The following CPNE4 variants were observed in gnomAD, a reference collection of about 807,000 sequenced individuals.
The protein encoded by CPNE4 is copine 4.
Under a neutral mutation model 67.9 loss-of-function variants are expected in CPNE4, and 25 were observed. The ratio of observed to expected loss-of-function variants is 0.37; its 90% confidence interval spans 0.27 to 0.51. CPNE4 has a LOEUF of 0.51. Among genes scored for constraint, CPNE4 ranks in the 20% least tolerant of loss-of-function variants. CPNE4 has a pLI of 0.93. For synonymous variants in CPNE4, 242 were observed against 244.9 expected (o/e 0.99, Z 0.11); for missense variants, 464 against 690.8 (o/e 0.67, Z 3.68).
chr3:131,550,349 G>A (rs1333485493), intron 13 of CPNE4, among the ~76,000 whole-genome samples: 4 of 151,886 alleles, frequency 2.6e-5, no homozygotes, highest in Non-Finnish European at 4.4e-5. Context: ...GATTTCATTC[G>A]CTCCTCATAG....
intron 2 of CPNE4, among the ~76,000 whole-genome samples, chr3:131,879,332 C>CT (rs1254720807): frequency 6.6e-6 from 1 of 152,168 alleles, no homozygotes; most frequent in African/African-American, 2.4e-5. Flanking sequence ...CCATTAATGA[C>CT]TTTTTCCCTA....
intron 15 of CPNE4, chr3:131,539,011 T>G (rs554178024): frequency 6.6e-6 from 1 of 152,318 alleles, no homozygotes; most frequent in South Asian, 2.1e-4. Context: ...CCCTGTAAGC[T>G]CTAAAGCTCT....
At chr3:131,986,775 G>A (rs2073053732) in intron 1 of CPNE4, among the ~76,000 whole-genome samples, 1 of 145,588 alleles carries the variant, frequency 6.9e-6, no homozygotes, top group Non-Finnish European at 1.5e-5. Flanking sequence ...AGGTTGCAGT[G>A]AGCCAAGATT....
chr3:131,598,051 T>C (rs16837175), intron 7 of CPNE4, among the ~76,000 whole-genome samples: 20,529 of 152,126 alleles, frequency 0.13, 1,905 homozygotes, highest in African/African-American at 0.26. Flanking sequence ...AGGAGGCAAT[T>C]GAACTGAATA....
At chr3:131,541,150 A>C (rs1935459333) in intron 15 of CPNE4, among the ~76,000 whole-genome samples, 1 of 152,102 alleles carries the variant, frequency 6.6e-6, no homozygotes, top group Admixed American at 6.5e-5. Context: ...AAAAACACAA[A>C]GGCTATCCAG....
intron 1 of CPNE4, among the ~76,000 whole-genome samples, chr3:131,964,723 G>A (rs187789327): frequency 4.5e-4 from 68 of 152,118 alleles, no homozygotes; most frequent in African/African-American, 1.6e-3. Flanking sequence ...ATGGGACTAT[G>A]TGAAAAAACC....
chr3:131,983,367 C>T (rs1583558300), intron 1 of CPNE4, among the ~76,000 whole-genome samples: 1 of 152,216 alleles, frequency 6.6e-6, no homozygotes, highest in East Asian at 1.9e-4. Flanking sequence ...TGCTAGAATG[C>T]CACATGCATC....
At chr3:132,023,733 C>T (rs1254052327) in intron 1 of CPNE4, among the ~76,000 whole-genome samples, 7 of 152,106 alleles carry the variant, frequency 4.6e-5, no homozygotes, top group African/African-American at 1.7e-4. Flanking sequence ...GTGATCCGCC[C>T]TCCTCGGCCT....
At chr3:131,661,798 C>T (rs558184311) in intron 7 of CPNE4, among the ~76,000 whole-genome samples, 21 of 152,092 alleles carry the variant, frequency 1.4e-4, no homozygotes, top group South Asian at 2.1e-4. Context: ...ATAGAGAGGA[C>T]GGTGAAATTG....
intron 3 of CPNE4, among the ~76,000 whole-genome samples, chr3:131,708,959 T>TATATAG (rs2081486265): frequency 1.8e-5 from 1 of 55,708 alleles, no homozygotes; most frequent in South Asian, 7.3e-4. Flanking sequence ...GGCATAAAGA[T>TATATAG]ATATATATAT....
chr3:132,009,083 C>T (rs2073681807), intron 1 of CPNE4, among the ~76,000 whole-genome samples: 1 of 152,204 alleles, frequency 6.6e-6, no homozygotes, highest in African/African-American at 2.4e-5. Context: ...TGCCCACATC[C>T]TCTTACCTAA....
intron 2 of CPNE4, among the ~76,000 whole-genome samples, chr3:131,871,941 C>T (rs989753673): frequency 2.0e-5 from 3 of 152,172 alleles, no homozygotes. Flanking sequence ...TGGTAGATTA[C>T]ATTTTCCAAA....
chr3:131,973,710 A>G (rs1390462992), intron 1 of CPNE4, among the ~76,000 whole-genome samples: 1 of 152,230 alleles, frequency 6.6e-6, no homozygotes, highest in African/African-American at 2.4e-5. Context: ...ATCCATTCCA[A>G]AGAAATCTGG....
rs747493180 is a variant in CPNE4, at chr3:131,796,871, CAT to C, written c.181-73248_181-73247del. Among the ~76,000 whole-genome samples the C allele has an allele frequency of 6.6e-5, 10 of 152,352 alleles. No individual in the cohort carries two copies. The East Asian group carries it at 1.9e-3, about 29-fold the overall frequency. ...TGCTTTGTGGTTAGAATAATACACACATAGTCTTTTCATCTAATGACGTTGGC... is the reference window on the plus strand; with the variant it reads ...TGCTTTGTGGTTAGAATAATACACACAGTCTTTTCATCTAATGACGTTGGC... On this transcript the variant is annotated intron_variant, in intron 2 of 15. Transcript: ENST00000429747.
intron 2 of CPNE4, among the ~76,000 whole-genome samples, chr3:131,880,851 G>T (rs1583395078): frequency 6.6e-6 from 1 of 152,210 alleles, no homozygotes; most frequent in African/African-American, 2.4e-5. Flanking sequence ...CACAAGATGC[G>T]TTATAATAGA....
intron 2 of CPNE4, among the ~76,000 whole-genome samples, chr3:131,783,958 C>T (rs1033429212): frequency 1.3e-5 from 2 of 152,182 alleles, no homozygotes; most frequent in African/African-American, 2.4e-5. Flanking sequence ...AGCTGAAGTA[C>T]GGTGAGAAGT....
intron 7 of CPNE4, among the ~76,000 whole-genome samples, chr3:131,661,721 C>T (rs147148793): frequency 4.8e-4 from 73 of 152,242 alleles, no homozygotes; most frequent in African/African-American, 1.7e-3. Context: ...GACCAGATCT[C>T]CAGAAAACTC....
chr3:131,646,779 TGAA>T (rs1433636878), intron 7 of CPNE4, among the ~76,000 whole-genome samples: 5 of 152,156 alleles, frequency 3.3e-5, no homozygotes, highest in Non-Finnish European at 4.4e-5. Context: ...ATGAGCTGGT[TGAA>T]GAAAAAGAGA....
intron 3 of CPNE4, among the ~76,000 whole-genome samples, chr3:131,700,253 A>G (rs1427753332): frequency 6.7e-6 from 1 of 149,642 alleles, no homozygotes; most frequent in Non-Finnish European, 1.5e-5. Flanking sequence ...ATTGTTGATG[A>G]AGGATGTATA....
Sources: allele counts gnomAD v4.1 joint callset (sites outside exome capture counted in the v4.1 genomes callset), GRCh38; gene constraint gnomAD v4.1.1; transcripts MANE v1.5; gene names NCBI Gene and HGNC (gene_info 2026-07-23, HGNC 2026-07-21).